MRC2: variants seen among roughly 807,000 people sequenced by gnomAD.
MRC2 encodes C-type mannose receptor 2.
Under a neutral mutation model 206.2 loss-of-function variants are expected in MRC2, and 84 were observed. The observed-to-expected ratio is 0.41, with a 90% CI of 0.34 to 0.49. The LOEUF is 0.49. Among genes scored for constraint, MRC2 ranks in the 20% least tolerant of loss-of-function variants. The probability of loss-of-function intolerance (pLI) is 0.31; values close to 1 mark genes in which losing one functional copy is unlikely to be tolerated. For synonymous variants in MRC2, 798 were observed against 800.0 expected (o/e 1.00, Z 0.04); for missense variants, 1,676 against 2,001.5 (o/e 0.84, Z 3.10).
intron 1 of MRC2, among the ~76,000 whole-genome samples, chr17:62,650,906 A>G (rs1407550291): frequency 6.6e-6 from 1 of 152,178 alleles, no homozygotes; most frequent in African/African-American, 2.4e-5. Flanking sequence ...AAATACTGGC[A>G]CAGTGCTGTT....
chr17:62,682,576 A>G (rs969559824), intron 20 of MRC2, among the ~76,000 whole-genome samples, 199 bp downstream of exon 20: 2 of 152,020 alleles, frequency 1.3e-5, no homozygotes, highest in African/African-American at 2.4e-5. Context: ...GCACCTTCCA[A>G]TCCTCCGGGA....
At chr17:62,676,121 G>A (rs896012413) in intron 10 of MRC2, among the ~76,000 whole-genome samples, 14 of 152,222 alleles carry the variant, frequency 9.2e-5, no homozygotes, top group Admixed American at 2.0e-4. Context: ...AGGCACAGGT[G>A]TGGGCTGGAT....
chr17:62,687,164 T>A (rs975942650), intron 20 of MRC2, among the ~76,000 whole-genome samples: 1 of 151,600 alleles, frequency 6.6e-6, no homozygotes, highest in South Asian at 2.1e-4. Flanking sequence ...ACACCCTTTC[T>A]TTTTTTTTCT....
At chr17:62,634,459 C>T (rs1026089320) in intron 1 of MRC2, among the ~76,000 whole-genome samples, 4 of 152,134 alleles carry the variant, frequency 2.6e-5, no homozygotes, top group East Asian at 1.9e-4. Context: ...TGCCACTACA[C>T]GTGGCTAATG....
intron 1 of MRC2, among the ~76,000 whole-genome samples, chr17:62,643,797 G>T (rs969566627): frequency 6.6e-5 from 10 of 152,132 alleles, no homozygotes; most frequent in Non-Finnish European, 1.3e-4. Flanking sequence ...GCTAGGAAAT[G>T]ATGAAATGAA....
chr17:62,629,605 C>T (rs1480473990), intron 1 of MRC2, among the ~76,000 whole-genome samples: 2 of 152,192 alleles, frequency 1.3e-5, no homozygotes, highest in East Asian at 3.9e-4. Context: ...GGAGCTGCTG[C>T]AGGTTCCTTC....
chr17:62,673,611 C>A (rs775034337), intron 8 of MRC2, among the ~76,000 whole-genome samples: 1 of 150,334 alleles, frequency 6.7e-6, no homozygotes, highest in Non-Finnish European at 1.5e-5. Context: ...CAGGTTCAAG[C>A]GATTCTTCTG....
At position 62,646,260 on chromosome 17, in the gene MRC2, G is replaced by A. The variant is rs377092579; in HGVS notation, c.119-18288G>A. ...AGGATTGTCTTGATCTCCTGACCTC[G>A]TGATCCACCTGCCTCAGCCTCCCAA... is the stretch of plus-strand genomic sequence containing the variant. On this transcript the variant is annotated intron_variant, in intron 1 of 29. Coordinates refer to ENST00000303375, the MANE Select transcript of MRC2 (RefSeq NM_006039.5). Among the ~76,000 whole-genome samples, 5 of 151,922 alleles carry A rather than the reference G, an allele frequency of 3.3e-5. No homozygotes were observed. In the East Asian group the frequency reaches 7.8e-4, roughly 24 times the overall value.
chr17:62,671,766 G>C lies in MRC2; in HGVS notation c.1235G>C (p.Arg412Pro). ...SWQESKKACLRGGGDLVSIHS... is the reference protein window; with the variant it reads ...SWQESKKACLPGGGDLVSIHS... The stretch of plus-strand genomic sequence containing the variant: ...CAGGAGTCCAAGAAGGCATGTCTAC[G>C]GGGCGGTGGCGACCTGGTCAGCATC... Residue 412 changes from arginine (R) to proline (P), a missense_variant, in exon 7 of 30, where the codon CGG becomes CCG. Physicochemically the swap from Arg to Pro is moderately radical, Grantham distance 103. Coordinates refer to ENST00000303375, the MANE Select transcript of MRC2 (RefSeq NM_006039.5). This position sits in a 1 kb window ranked among gnomAD's most constrained non-coding sequence, Gnocchi z 4.5. 1 of 1,613,028 alleles carries C rather than the reference G, an allele frequency of 6.2e-7. No individual in the cohort carries two copies. The highest frequency in any genetic ancestry group is 1.1e-5 in the South Asian group (1 of 90,982).
chr17:62,647,243 G>T (rs1236357559), intron 1 of MRC2, among the ~76,000 whole-genome samples: 1 of 148,758 alleles, frequency 6.7e-6, no homozygotes, highest in Non-Finnish European at 1.5e-5. Context: ...GAGTACAGTG[G>T]CATGATCTTG....
chr17:62,689,352 GTAT>G, intron 23 of MRC2, 167 bp from the exon 24 acceptor site: 1 of 595,140 alleles, frequency 1.7e-6, no homozygotes, highest in Admixed American at 3.1e-5. Context: ...TAGCAAACAT[GTAT>G]TATTAATAAC....
chr17:62,646,234 C>T (rs1164690514), intron 1 of MRC2, among the ~76,000 whole-genome samples: 1 of 151,910 alleles, frequency 6.6e-6, no homozygotes, highest in Non-Finnish European at 1.5e-5. Context: ...CCGTGTTGGC[C>T]AGGATTGTCT....
chr17:62,644,794 C>G (rs2147441282), intron 1 of MRC2, among the ~76,000 whole-genome samples: 1 of 152,218 alleles, frequency 6.6e-6, no homozygotes, highest in South Asian at 2.1e-4. Flanking sequence ...TTCCTCCACG[C>G]TGGTGGTCGA....
intron 20 of MRC2, among the ~76,000 whole-genome samples, chr17:62,684,402 C>T (rs1258139570): frequency 1.3e-5 from 2 of 152,092 alleles, no homozygotes; most frequent in Non-Finnish European, 2.9e-5. Context: ...GTAGCAAGAC[C>T]CTATCTAGAA....
chr17:62,660,037 G>A (rs1365262662), intron 1 of MRC2, among the ~76,000 whole-genome samples: 2 of 152,232 alleles, frequency 1.3e-5, no homozygotes, highest in African/African-American at 4.8e-5. Flanking sequence ...GGTTCTGGAA[G>A]TGGCAGAGTA....
rs749936809 is a variant in MRC2 at position 62,691,118 on chromosome 17, G to A, written c.4182G>A (p.Lys1394=). 4.8e-5 allele frequency: 77 copies of A among 1,604,584 alleles called. No homozygotes were observed. In the Admixed American group the frequency reaches 1.3e-3, roughly 26 times the overall value. The change falls in exon 28 of 30, where the codon AAG becomes AAA. Residue 1394 remains lysine (K), a synonymous_variant. Transcript: ENST00000303375. ...ACATCACCATGGGTGTCGTCTGCAAGCTTCCTCGTGGTGAGCGCCGGGCAG... is the reference window on the plus strand; with the variant it reads ...ACATCACCATGGGTGTCGTCTGCAAACTTCCTCGTGGTGAGCGCCGGGCAG... ...CTNITMGVVC[K]LPRAEQSSFS...
chr17:62,690,735 G>A lies in MRC2; in HGVS notation c.3986G>A (p.Trp1329Ter), dbSNP rs759990153. The change falls in exon 27 of 30, where the codon TGG becomes TAG. Residue 1329 changes from tryptophan (W) to a stop codon, truncating the protein, a stop_gained. Coordinates refer to ENST00000303375, the MANE Select transcript of MRC2 (RefSeq NM_006039.5). LOFTEE classifies it high-confidence loss of function. ...TATGAGGGCCAGAGTCGGGGCGCCT[G>A]GCTGGGCATGAACTTCAACCCCAAA... ...QSYEGQSRGA[W>*]LGMNFNPKGG... 1.2e-6 allele frequency: 2 copies of A among 1,611,316 alleles called. No individual in the cohort carries two copies. The highest frequency in any genetic ancestry group is 1.7e-6 in the Non-Finnish European group (2 of 1,178,814).
Position 62,682,215 on chromosome 17 carries a change from C to A in MRC2, c.2804-20C>A. 1.9e-6 allele frequency: 3 copies of A among 1,548,600 alleles called. No homozygotes were observed. Among genetic ancestry groups the A allele is most frequent in the Non-Finnish European group, 2.6e-6 (3 of 1,144,944 alleles). ...CTGCTCTGCCCTGGGGGTGACTGCC[C>A]TCCCCTCCCCTTTCCGCAGAGGACT... On this transcript the variant is annotated intron_variant, in intron 19 of 29. Coordinates refer to ENST00000303375, the MANE Select transcript of MRC2 (RefSeq NM_006039.5).
Position 62,690,186 on chromosome 17 carries a change from A to C in MRC2, c.3773A>C (p.His1258Pro), listed in dbSNP as rs201452476. ...GPPPPRRISYHGSCPQGLADS... is the reference protein window; with the variant it reads ...GPPPPRRISYPGSCPQGLADS... The stretch of plus-strand genomic sequence containing the variant: ...CCTCCTCCCCGAAGAATAAGCTACC[A>C]TGGCAGCTGTCCCCAGGGACTGGCA... Residue 1258 changes from histidine to proline, a missense_variant, in exon 26 of 30, where the codon CAT (histidine) becomes CCT (proline). His to Pro is a moderately conservative substitution (Grantham distance 77, BLOSUM62 -2). Around this residue, in one of 3 missense-constraint regions of MRC2, gnomAD observed 1,354 missense variants for 1,636.6 expected, o/e 0.83. Coordinates refer to ENST00000303375, the MANE Select transcript of MRC2 (RefSeq NM_006039.5). 7.5e-6 allele frequency: 12 copies of C among 1,610,160 alleles called. No individual in the cohort carries two copies. The highest frequency in any genetic ancestry group is 1.7e-4 in the Middle Eastern group (1 of 6,046).
Sources: gnomAD v4.1 joint callset for allele counts (sites outside exome capture counted in the v4.1 genomes callset) on GRCh38, gnomAD v4.1.1 for gene constraint, gnomAD v4.1.1 regional missense constraint, Gnocchi (gnomAD v3.1) non-coding constraint, MANE v1.5 for transcripts, NCBI Gene and HGNC (gene_info 2026-07-23, HGNC 2026-07-21) for gene names.